The following DPP10 variants were observed in gnomAD, a reference collection of about 807,000 sequenced individuals.
DPP10 encodes dipeptidyl peptidase like 10, also known as inactive dipeptidyl peptidase 10.
DPP10 carries 33 observed loss-of-function variants against 120.9 expected under a neutral mutation model. The observed-to-expected ratio is 0.27, with a 90% CI of 0.21 to 0.37. The LOEUF is 0.37. Ranked by LOEUF, DPP10 falls within the 10% of genes least tolerant of loss-of-function variation. The pLI is 1.00. For missense variants in DPP10, 816 were observed against 942.8 expected (o/e 0.87, Z 1.76); for synonymous variants, 337 against 326.1 (o/e 1.03, Z -0.36).
chr2:115,296,663 T>A (rs548462420), intron 1 of DPP10, among the ~76,000 whole-genome samples: 4 of 152,198 alleles, frequency 2.6e-5, no homozygotes, highest in Non-Finnish European at 4.4e-5. Context: ...TCCTATCACA[T>A]TTAGCATCTT....
intron 1 of DPP10, among the ~76,000 whole-genome samples, chr2:115,015,921 T>C (rs948471117): frequency 3.9e-5 from 6 of 152,204 alleles, no homozygotes; most frequent in Admixed American, 3.3e-4. Context: ...ATGGCCATAC[T>C]GCCCAAAGTA....
chr2:115,459,742 T>TTG (rs1344179479), intron 3 of DPP10, among the ~76,000 whole-genome samples: 1 of 151,842 alleles, frequency 6.6e-6, no homozygotes, highest in African/African-American at 2.4e-5. Flanking sequence ...TGAATTCAAA[T>TTG]TGTGTGTGTA....
chr2:115,149,249 A>G (rs1483355228), intron 1 of DPP10, among the ~76,000 whole-genome samples: 4 of 151,914 alleles, frequency 2.6e-5, no homozygotes, highest in Non-Finnish European at 5.9e-5. Flanking sequence ...GCAGTTGGTT[A>G]TTTTCTTGGT....
chr2:115,139,469 C>T (rs1039847161), intron 1 of DPP10, among the ~76,000 whole-genome samples: 1 of 151,774 alleles, frequency 6.6e-6, no homozygotes, highest in Non-Finnish European at 1.5e-5. Flanking sequence ...AAAGGCCAGG[C>T]AAATACTACT....
chr2:115,508,328 G>C (rs2077055251), intron 4 of DPP10, among the ~76,000 whole-genome samples: 1 of 151,872 alleles, frequency 6.6e-6, no homozygotes, highest in Non-Finnish European at 1.5e-5. Context: ...TACAGCTGAA[G>C]ATACAATAGA....
At chr2:114,725,610 T>G (rs1701993057) in intron 1 of DPP10, among the ~76,000 whole-genome samples, 1 of 152,230 alleles carries the variant, frequency 6.6e-6, no homozygotes, top group Non-Finnish European at 1.5e-5. Flanking sequence ...ACGGCTGATT[T>G]TTACTGAGCA....
At chr2:115,750,022 G>C in intron 10 of DPP10, 1 of 985,318 alleles carries the variant, frequency 1.0e-6, no homozygotes, top group Non-Finnish European at 1.2e-6. Context: ...AGGACTTCCT[G>C]GGTAATCCAG....
At chr2:115,433,426 C>T (rs374155324) in intron 3 of DPP10, among the ~76,000 whole-genome samples, 10 of 151,756 alleles carry the variant, frequency 6.6e-5, no homozygotes, top group African/African-American at 1.2e-4. Flanking sequence ...TGTGTGTTTC[C>T]GTGTGTGTAA....
intron 5 of DPP10, among the ~76,000 whole-genome samples, chr2:115,532,963 TA>T (rs1288106702): frequency 3.3e-5 from 5 of 152,042 alleles, no homozygotes; most frequent in Admixed American, 3.3e-4. Flanking sequence ...AAGCCATCCT[TA>T]AAAAGTCAAG....
chr2:115,673,924 GA>G (rs2090086519), intron 5 of DPP10, among the ~76,000 whole-genome samples: 1 of 152,140 alleles, frequency 6.6e-6, no homozygotes, highest in Non-Finnish European at 1.5e-5. Flanking sequence ...AAAAATGGAG[GA>G]AAGTGGCCAG....
chr2:115,330,101 T>C (rs899478422), intron 2 of DPP10, among the ~76,000 whole-genome samples: 1 of 152,048 alleles, frequency 6.6e-6, no homozygotes, highest in African/African-American at 2.4e-5. Context: ...CAGCACCTGT[T>C]GTTTCCTGAC....
intron 1 of DPP10, among the ~76,000 whole-genome samples, chr2:114,711,853 C>T (rs895792621): frequency 1.1e-4 from 16 of 152,240 alleles, no homozygotes; most frequent in African/African-American, 3.9e-4. Context: ...TCTACTTCAT[C>T]TGGAATAATT....
At chr2:114,642,880 T>C (rs552563479) in intron 1 of DPP10, among the ~76,000 whole-genome samples, 4 of 151,846 alleles carry the variant, frequency 2.6e-5, no homozygotes, top group African/African-American at 9.7e-5. Context: ...CAATAACCCA[T>C]GAAAATAATC....
chr2:114,626,340 A>G (rs1694510196), intron 1 of DPP10, among the ~76,000 whole-genome samples: 1 of 152,036 alleles, frequency 6.6e-6, no homozygotes, highest in Admixed American at 6.6e-5. Flanking sequence ...TCTTCCTTCT[A>G]TAGTAATTCC....
At chr2:115,484,089 A>G (rs2075615239) in intron 3 of DPP10, among the ~76,000 whole-genome samples, 1 of 151,386 alleles carries the variant, frequency 6.6e-6, no homozygotes, top group Non-Finnish European at 1.5e-5. Context: ...TTTAACAATT[A>G]CTAAAAACAT....
At position 115,750,286 on chromosome 2, in the gene DPP10, C is replaced by T. The variant is rs1026767187; in HGVS notation, c.951-2888C>T. 8 of 803,018 alleles carry T rather than the reference C, an allele frequency of 1.0e-5. No homozygotes were observed. The African/African-American group carries it at 1.5e-4, about 15-fold the overall frequency. 49.7% of individuals were successfully genotyped at this position (803,018 alleles called of 1,614,324 possible). A position where few individuals can be genotyped will look rare whatever the true frequency, so the allele number is the denominator to read the frequency against. On this transcript the variant is annotated intron_variant, in intron 10 of 25. Transcript: ENST00000410059. ...AATATGAATCACAGGGAGATGTACA[C>T]CTAGGCTCCTGGGGCAAGGAAAGAA...
intron 1 of DPP10, among the ~76,000 whole-genome samples, chr2:114,848,671 T>C (rs1996621): frequency 1 from 151,778 of 152,300 alleles, 75,628 homozygotes; most frequent in Middle Eastern, 1. Flanking sequence ...ATAACATGCC[T>C]CAGTGATTTC....
chr2:115,107,847 C>T (rs1218382691), intron 1 of DPP10, among the ~76,000 whole-genome samples: 2 of 151,984 alleles, frequency 1.3e-5, no homozygotes, highest in Admixed American at 1.3e-4. Context: ...AAATTTAAAA[C>T]AAGACATTAT....
At chr2:115,490,715 T>G (rs1185318798) in intron 3 of DPP10, among the ~76,000 whole-genome samples, 2 of 152,222 alleles carry the variant, frequency 1.3e-5, no homozygotes. Flanking sequence ...TAAAAATTAT[T>G]TAAATGTAAT....
Sources: gnomAD v4.1 joint callset for allele counts (sites outside exome capture counted in the v4.1 genomes callset) on GRCh38, gnomAD v4.1.1 for gene constraint, MANE v1.5 for transcripts, NCBI Gene and HGNC (gene_info 2026-07-23, HGNC 2026-07-21) for gene names.